PFKL: variants seen among roughly 807,000 people sequenced by gnomAD.
PFKL encodes phosphofructokinase, liver type, also known as ATP-dependent 6-phosphofructokinase, liver type.
A neutral mutation model predicts 92.1 loss-of-function variants in PFKL; 74 were observed. The ratio of observed to expected loss-of-function variants is 0.80; its 90% confidence interval spans 0.67 to 0.97. The LOEUF is 0.97. Among genes scored for constraint, PFKL ranks in the 50% least tolerant of loss-of-function variants. PFKL has a pLI of 0.00. For synonymous variants in PFKL, 494 were observed against 456.4 expected (o/e 1.08, Z -1.05); for missense variants, 1,028 against 1,116.6 (o/e 0.92, Z 1.13).
At chr21:44,309,060 G>A (rs2041038640) in intron 2 of PFKL, among the ~76,000 whole-genome samples, 1 of 152,146 alleles carries the variant, frequency 6.6e-6, no homozygotes, top group Non-Finnish European at 1.5e-5. Flanking sequence ...GCTTCAGGGA[G>A]CAGCTGCATC....
At position 44,316,513 on chromosome 21, in the gene PFKL, G is replaced by A. The variant is rs1202071239; in HGVS notation, c.925G>A (p.Asp309Asn). The A allele has an allele frequency of 1.3e-5, 21 of 1,597,260 alleles. No individual in the cohort carries two copies. The highest frequency in any genetic ancestry group is 1.6e-5 in the Non-Finnish European group (19 of 1,169,972). ...VQRGGTPSAF[D>N]RILSSKMGME... is the part of the protein sequence containing the mutation. ...GCGGGGAGGGACGCCCTCTGCCTTC[G>A]ACCGGATCCTGGTAAGTGGCCATCA... The change falls in exon 9 of 22, where the codon GAC becomes AAC. Residue 309 changes from aspartate (D) to asparagine (N), a missense_variant. Transcript: ENST00000349048.
chr21:44,313,091 G>A lies in PFKL; in HGVS notation c.541G>A (p.Ala181Thr), dbSNP rs2047097835. 1 of 1,612,960 alleles carries A rather than the reference G, an allele frequency of 6.2e-7. No homozygotes were observed. Among genetic ancestry groups the A allele is most frequent in the African/African-American group, 1.3e-5 (1 of 74,914 alleles). ...CGACATGACCATCGGCACGGACTCG[G>A]CCCTCCACCGCATCATGGAGGTCAT... ...GTDMTIGTDS[A>T]LHRIMEVIDA... The change falls in exon 5 of 22, where the codon GCC (alanine) becomes ACC (threonine). Residue 181 changes from alanine (A) to threonine (T), a missense_variant. Ala to Thr is a moderately conservative substitution (Grantham distance 58). Coordinates refer to ENST00000349048, the MANE Select transcript of PFKL (RefSeq NM_002626.6).
At position 44,314,049 on chromosome 21, in the gene PFKL, C is replaced by T. The variant is rs771742052; in HGVS notation, c.747+28C>T. 1.0e-5 allele frequency: 15 copies of T among 1,504,880 alleles called. No individual in the cohort carries two copies. The Admixed American group carries it at 2.0e-4, about 21-fold the overall frequency. The allele number at this position is 1,504,880 out of a possible 1,614,324, so 93.2% of individuals were successfully genotyped here. A position where few individuals can be genotyped will look rare whatever the true frequency, so the allele number is the denominator to read the frequency against. Reference sequence around the variant, plus strand: ...GGGTGCCGTCCAGCCTGCTGGGGGCCGCAGGTGTCCTGGTGCACTGGGTAG... The same window carrying T: ...GGGTGCCGTCCAGCCTGCTGGGGGCTGCAGGTGTCCTGGTGCACTGGGTAG... On this transcript the variant is annotated intron_variant, in intron 7 of 21. Coordinates refer to ENST00000349048, the MANE Select transcript of PFKL (RefSeq NM_002626.6).
chr21:44,318,350 G>A, intron 9 of PFKL, 120 bp from the exon 10 acceptor site: 2 of 1,133,892 alleles, frequency 1.8e-6, no homozygotes, highest in Non-Finnish European at 2.4e-6. Flanking sequence ...CACCTGTTCT[G>A]GAAGCTTCCG....
intron 12 of PFKL, 66 bp downstream of exon 12, chr21:44,320,213 T>A: frequency 2.1e-6 from 3 of 1,423,682 alleles, no homozygotes; most frequent in Non-Finnish European, 2.0e-6. Context: ...CTCTTCACGC[T>A]GGCCCCGTGG....
chr21:44,301,695 G>A (rs1352481227), intron 1 of PFKL, among the ~76,000 whole-genome samples: 1 of 152,104 alleles, frequency 6.6e-6, no homozygotes, highest in Non-Finnish European at 1.5e-5. Context: ...TTGCTGTGGG[G>A]CCAGCCCGCC....
chr21:44,305,137 G>C, intron 1 of PFKL: 1 of 839,150 alleles, frequency 1.2e-6, no homozygotes, highest in South Asian at 1.6e-5. Flanking sequence ...CACCTGCTGG[G>C]CTCTGGAAGG....
intron 5 of PFKL, 144 bp from the exon 6 acceptor site, chr21:44,313,494 C>A (rs1161884291): frequency 1.8e-5 from 14 of 782,480 alleles, no homozygotes; most frequent in Non-Finnish European, 2.7e-5. Flanking sequence ...CCCAAGGTAT[C>A]TTTTAGCTCA....
intron 7 of PFKL, chr21:44,315,129 T>G (rs527667641): frequency 7.9e-5 from 12 of 152,380 alleles, no homozygotes; most frequent in African/African-American, 2.9e-4. Context: ...TGGCCCAAGG[T>G]GCGGGTCCTA....
chr21:44,322,133 G>T lies in PFKL; in HGVS notation c.1339G>T (p.Val447Leu). The T allele has an allele frequency of 6.2e-7, 1 of 1,605,436 alleles. No individual in the cohort carries two copies. The highest frequency in any genetic ancestry group is 8.5e-7 in the Non-Finnish European group (1 of 1,177,518). Residue 447 changes from valine (V) to leucine (L), a missense_variant and splice_region_variant, in exon 14 of 22, where the codon GTG becomes TTG. Coordinates refer to ENST00000349048, the MANE Select transcript of PFKL (RefSeq NM_002626.6). The part of the protein sequence containing the change: ...DGFEGLAKGQ[V>L]QEVGWHDVAG... ...CTGAAGCTGCATCTCCTCCTGGCAG[G>T]TGCAAGAAGTAGGCTGGCACGACGT...
intron 1 of PFKL, among the ~76,000 whole-genome samples, chr21:44,303,410 C>CAAAAAA (rs1190805609): frequency 4.4e-4 from 4 of 9,178 alleles, no homozygotes; most frequent in African/African-American, 2.9e-3. Flanking sequence ...GACTCTGTCT[C>CAAAAAA]AAAAAAAAAA....
rs909009204 is a variant in PFKL at position 44,325,142 on chromosome 21, G to C, written c.1878-11G>C. On this transcript the variant is annotated splice_polypyrimidine_tract_variant and intron_variant, in intron 18 of 21. Transcript: ENST00000349048. ...CGTTCCCGCCGACTCAGGCCCTGCT[G>C]CCCCTCTCAGGAACGAGAAGTGCCA... The C allele has an allele frequency of 6.3e-6, 10 of 1,575,820 alleles. No individual in the cohort carries two copies. The highest frequency in any genetic ancestry group is 5.0e-5 in the Admixed American group (3 of 59,918).
rs752840762 is a variant in PFKL at position 44,319,432 on chromosome 21, GA to G, written c.1127+18del. On this transcript the variant is annotated intron_variant, in intron 11 of 21. Transcript: ENST00000349048. ...CCGTGGTGGGTAAGCCCCCTCAGCAGACCCCTGCACTCTTACATGGCTGGGT... is the reference window on the plus strand; with the variant it reads ...CCGTGGTGGGTAAGCCCCCTCAGCAGCCCCTGCACTCTTACATGGCTGGGT... 5.0e-6 allele frequency: 8 copies of G among 1,608,624 alleles called. No individual in the cohort carries two copies. Among genetic ancestry groups the G allele is most frequent in the Non-Finnish European group, 6.8e-6 (8 of 1,175,666 alleles).
In PFKL at chr21:44,324,758, A is replaced by ACG; in HGVS notation, c.1816-95_1816-94dup. The ACG allele has an allele frequency of 1.9e-6, 3 of 1,566,890 alleles. No individual in the cohort carries two copies. The South Asian group carries it at 3.4e-5, about 18-fold the overall frequency. ...GCAGGGCAGGGCCCGGGCAGGTGGG[A>ACG]CGCGTAGCCCAGTGCTCCTGCTGGC... On this transcript the variant is annotated intron_variant, in intron 17 of 21. Coordinates refer to ENST00000349048, the MANE Select transcript of PFKL (RefSeq NM_002626.6).
chr21:44,325,545 C>T lies in PFKL; in HGVS notation c.1989+281C>T, dbSNP rs868316080. 2.4e-4 allele frequency: 130 copies of T among 542,458 alleles called. 5 individuals carry two copies. Among genetic ancestry groups the T allele is most frequent in the Middle Eastern group, 2.0e-3 (4 of 2,032 alleles). The allele number at this position is 542,458 out of a possible 1,614,324, so 33.6% of individuals were successfully genotyped here. A position where few individuals can be genotyped will look rare whatever the true frequency, so the allele number is the denominator to read the frequency against. ...CCAGGCCTCCCGCGGCCACTTCCGCCGAACCCCTCACCTAGATCCCCGCAT... is the reference window on the plus strand; with the variant it reads ...CCAGGCCTCCCGCGGCCACTTCCGCTGAACCCCTCACCTAGATCCCCGCAT... On this transcript the variant is annotated intron_variant, in intron 19 of 21. Coordinates refer to ENST00000349048, the MANE Select transcript of PFKL (RefSeq NM_002626.6).
At chr21:44,307,956 C>T (rs1205899250) in intron 2 of PFKL, among the ~76,000 whole-genome samples, 6 of 152,200 alleles carry the variant, frequency 3.9e-5, no homozygotes, top group Admixed American at 2.0e-4. Flanking sequence ...ACAGGTTCAT[C>T]GGTGCAGGGC....
chr21:44,325,721 G>T (rs938886893), intron 19 of PFKL: 4 of 557,372 alleles, frequency 7.2e-6, no homozygotes, highest in Non-Finnish European at 6.4e-6. Context: ...GGAGTCACTT[G>T]ACTTGGCCAG....
At chr21:44,318,429 A>G in intron 9 of PFKL, 41 bp from the exon 10 acceptor site, 3 of 1,447,140 alleles carry the variant, frequency 2.1e-6, no homozygotes, top group Non-Finnish European at 2.8e-6. Flanking sequence ...CTTGGGGTAG[A>G]GGGACCAAGT....
At chr21:44,310,400 G>C (rs2041081358) in intron 2 of PFKL, among the ~76,000 whole-genome samples, 1 of 152,184 alleles carries the variant, frequency 6.6e-6, no homozygotes, top group South Asian at 2.1e-4. Flanking sequence ...TACGAGCGAT[G>C]GCCACTCGGG....
Sources: gnomAD v4.1 joint callset for allele counts (sites outside exome capture counted in the v4.1 genomes callset) on GRCh38, gnomAD v4.1.1 for gene constraint, MANE v1.5 for transcripts, NCBI Gene and HGNC (gene_info 2026-07-23, HGNC 2026-07-21) for gene names.